The following USH2A variants were observed in gnomAD, a reference collection of about 807,000 sequenced individuals.
USH2A encodes the protein usherin.
USH2A carries 443 observed loss-of-function variants against 538.9 expected under a neutral mutation model. That is an observed-to-expected ratio of 0.82 (90% CI 0.76 to 0.89). The LOEUF (loss-of-function observed/expected upper bound fraction) is 0.89, where lower values mean the gene tolerates loss of function less well. Ranked by LOEUF, USH2A falls within the 40% of genes least tolerant of loss-of-function variation. USH2A has a pLI of 0.00. For synonymous variants in USH2A, 2,413 were observed against 2,273.5 expected (o/e 1.06, Z -1.75); for missense variants, 6,633 against 6,324.8 (o/e 1.05, Z -1.65).
At chr1:216,417,013 G>T (rs1056018192) in intron 3 of USH2A, among the ~76,000 whole-genome samples, 61 of 152,176 alleles carry the variant, frequency 4.0e-4, no homozygotes, top group African/African-American at 1.4e-3. Flanking sequence ...AGGACAAATT[G>T]GTCTCCTATC....
intron 60 of USH2A, among the ~76,000 whole-genome samples, chr1:215,739,571 G>T (rs1660245160): frequency 6.6e-6 from 1 of 152,218 alleles, no homozygotes; most frequent in African/African-American, 2.4e-5. Flanking sequence ...TATTTCAAGA[G>T]GGTGGACATT....
Position 215,743,304 on chromosome 1 carries a change from G to C in USH2A, c.11421C>G (p.Tyr3807Ter). The change falls in exon 59 of 72, where the codon TAC (tyrosine) becomes TAG (stop). Residue 3807 changes from tyrosine (Y) to a stop codon, truncating the protein, a stop_gained. Coordinates refer to ENST00000307340, the MANE Select transcript of USH2A (RefSeq NM_206933.4). LOFTEE classifies it high-confidence loss of function. ...CACTTCCATCATTGAGTAAGACATT[G>C]TACTCCACAGGAATTTCGGGGATGA... The part of the protein sequence containing the change: ...GILIPEIPVE[Y>*]NVLLNDGSVT... 1 of 1,605,566 alleles carries C rather than the reference G, an allele frequency of 6.2e-7. No individual in the cohort carries two copies. Among genetic ancestry groups the C allele is most frequent in the South Asian group, 1.1e-5 (1 of 90,834 alleles).
chr1:216,210,529 G>A (rs1481964271), intron 15 of USH2A, among the ~76,000 whole-genome samples: 1 of 152,108 alleles, frequency 6.6e-6, no homozygotes, highest in East Asian at 1.9e-4. Context: ...AAGAAGCAGG[G>A]ACCCCTCTTC....
chr1:216,310,982 A>G (rs1230566607), intron 9 of USH2A, among the ~76,000 whole-genome samples: 2 of 152,202 alleles, frequency 1.3e-5, no homozygotes, highest in Non-Finnish European at 2.9e-5. Context: ...CCTTGGCTTC[A>G]GTAAACAATC....
chr1:215,739,072 G>A (rs1022867257), intron 60 of USH2A, among the ~76,000 whole-genome samples: 2 of 152,094 alleles, frequency 1.3e-5, no homozygotes, highest in Non-Finnish European at 2.9e-5. Context: ...TGAATATAAC[G>A]ATTGTATCTG....
chr1:215,846,705 A>G (rs1299769560), intron 44 of USH2A, among the ~76,000 whole-genome samples: 2 of 152,214 alleles, frequency 1.3e-5, no homozygotes, highest in South Asian at 2.1e-4. Flanking sequence ...TAAGATGAAA[A>G]TGAAAGTATA....
chr1:215,804,547 T>C (rs1267117049), intron 49 of USH2A, among the ~76,000 whole-genome samples: 2 of 148,194 alleles, frequency 1.3e-5, no homozygotes, highest in African/African-American at 5.1e-5. Context: ...TCATCATCAC[T>C]GGGCATCAGA....
In USH2A at chr1:216,325,594, ATCTC is replaced by A; in HGVS notation, c.850_853del (p.Glu284PhefsTer51). ...AAGATCTCCAGAGAAGACTTCCAGAATCTCTCTGTGGGAGTCAAGAGGGAGACTG... is the reference window on the plus strand; with the variant it reads ...AAGATCTCCAGAGAAGACTTCCAGAATCTGTGGGAGTCAAGAGGGAGACTG... On this transcript the variant is annotated frameshift_variant and splice_region_variant, in exon 6 of 72. Transcript: ENST00000307340. LOFTEE classifies it high-confidence loss of function. The A allele has an allele frequency of 5.0e-6, 8 of 1,613,040 alleles. No individual in the cohort carries two copies. Among genetic ancestry groups the A allele is most frequent in the Non-Finnish European group, 6.8e-6 (8 of 1,179,516 alleles).
At chr1:215,772,693 A>G (rs1661325962) in intron 55 of USH2A, among the ~76,000 whole-genome samples, 1 of 152,234 alleles carries the variant, frequency 6.6e-6, no homozygotes, top group Non-Finnish European at 1.5e-5. Context: ...CTCTTGATAA[A>G]TAGTCAAAAA....
Position 215,867,106 on chromosome 1 carries a change from C to T in USH2A, c.8746G>A (p.Val2916Met), listed in dbSNP as rs1405028353. 2 of 1,614,030 alleles carry T rather than the reference C, an allele frequency of 1.2e-6. No individual in the cohort carries two copies. Among genetic ancestry groups the T allele is most frequent in the African/African-American group, 1.3e-5 (1 of 74,924 alleles). ...NSVGFTPSRE[V>M]TVTTLAGLPE... ...AGACCAGCTAACGTTGTCACAGTCA[C>T]TTCTCGGCTCGGTGTAAAACCCACA... is the stretch of plus-strand genomic sequence containing the variant. The change falls in exon 44 of 72, where the codon GTG becomes ATG. Residue 2916 changes from valine to methionine, a missense_variant. Transcript: ENST00000307340.
intron 64 of USH2A, among the ~76,000 whole-genome samples, chr1:215,665,475 G>T (rs1489456128): frequency 6.6e-6 from 1 of 152,144 alleles, no homozygotes; most frequent in Non-Finnish European, 1.5e-5. Context: ...GAAAGGGGGG[G>T]TGGTGGCGGG....
chr1:215,722,968 A>G (rs959122324), intron 61 of USH2A, among the ~76,000 whole-genome samples: 2 of 152,190 alleles, frequency 1.3e-5, no homozygotes, highest in African/African-American at 4.8e-5. Context: ...CAATATCGCC[A>G]ACCTTGCCAG....
chr1:216,077,566 T>C (rs1042811635), intron 27 of USH2A, among the ~76,000 whole-genome samples: 4 of 149,108 alleles, frequency 2.7e-5, no homozygotes, highest in Non-Finnish European at 4.5e-5. Flanking sequence ...TTATATGCAT[T>C]ATATATATAA....
chr1:216,386,541 CTATA>C (rs66638535), intron 3 of USH2A, among the ~76,000 whole-genome samples: 10,343 of 132,746 alleles, frequency 0.078, 974 homozygotes, highest in African/African-American at 0.22. Flanking sequence ...AACCAAAAAA[CTATA>C]TATATATATA....
intron 4 of USH2A, among the ~76,000 whole-genome samples, chr1:216,364,288 C>A (rs1386794427): frequency 6.6e-6 from 1 of 151,982 alleles, no homozygotes; most frequent in African/African-American, 2.4e-5. Context: ...TTTAACAATT[C>A]TCTACATGAA....
intron 60 of USH2A, among the ~76,000 whole-genome samples, chr1:215,731,483 TC>T (rs939500751): frequency 2.0e-5 from 3 of 152,194 alleles, no homozygotes; most frequent in African/African-American, 7.2e-5. Context: ...TTTAGAGAAA[TC>T]ACATTTTCAG....
chr1:216,208,117 A>G (rs1428565449), intron 15 of USH2A, among the ~76,000 whole-genome samples: 2 of 152,142 alleles, frequency 1.3e-5, no homozygotes, highest in Non-Finnish European at 2.9e-5. Context: ...TATACCATGA[A>G]AACATTGTGT....
chr1:216,054,376 C>T (rs529526916), intron 30 of USH2A, among the ~76,000 whole-genome samples: 5 of 152,140 alleles, frequency 3.3e-5, no homozygotes, highest in South Asian at 4.1e-4. Flanking sequence ...GGCAGCCTGA[C>T]GACCTAAGAC....
rs201190539 is a variant in USH2A at position 216,198,326 on chromosome 1, G to A, written c.4070C>T (p.Thr1357Met). The change falls in exon 18 of 72, where the codon ACG (threonine) becomes ATG (methionine). Residue 1357 changes from threonine (T) to methionine (M), a missense_variant. Coordinates refer to ENST00000307340, the MANE Select transcript of USH2A (RefSeq NM_206933.4). Reference protein sequence around the residue: ...SVSSAWVSERTGESAPVFMIP... With the variant: ...SVSSAWVSERMGESAPVFMIP... ...ACATTGATCTTTACCTGATTCTCCC[G>A]TTCTTTCTGAGACCCAGGCAGAAGA... 204 of 1,613,810 alleles carry A rather than the reference G, an allele frequency of 1.3e-4. 1 individual carries two copies. The East Asian group carries it at 2.6e-3, about 21-fold the overall frequency.
Sources: allele counts gnomAD v4.1 joint callset (sites outside exome capture counted in the v4.1 genomes callset), GRCh38; gene constraint gnomAD v4.1.1; transcripts MANE v1.5; gene names NCBI Gene and HGNC (gene_info 2026-07-23, HGNC 2026-07-21).